The following UBP1 variants were observed in gnomAD, a reference collection of about 807,000 sequenced individuals.
The protein encoded by UBP1 is upstream binding protein 1, also known as upstream-binding protein 1.
UBP1 carries 22 observed loss-of-function variants against 76.1 expected under a neutral mutation model. That is an observed-to-expected ratio of 0.29 (90% CI 0.21 to 0.41). UBP1 has a LOEUF of 0.41. Among genes scored for constraint, UBP1 ranks in the 10% least tolerant of loss-of-function variants. UBP1 has a pLI of 1.00. For synonymous variants in UBP1, 224 were observed against 237.1 expected (o/e 0.94, Z 0.51); for missense variants, 436 against 668.1 (o/e 0.65, Z 3.83).
chr3:33,408,665 G>A, intron 8 of UBP1, 25 bp downstream of exon 8: 1 of 1,593,448 alleles, frequency 6.3e-7, no homozygotes, highest in Non-Finnish European at 8.6e-7. Flanking sequence ...CTTGCACAAT[G>A]AAAAGAGAAG....
chr3:33,426,801 G>A (rs1008039163), intron 1 of UBP1, among the ~76,000 whole-genome samples: 10 of 152,196 alleles, frequency 6.6e-5, no homozygotes, highest in South Asian at 2.1e-4. Flanking sequence ...TAGGCATACC[G>A]TATTCTGTAT....
intron 11 of UBP1, chr3:33,398,444 G>A (rs1413588233): frequency 6.6e-6 from 1 of 152,228 alleles, no homozygotes; most frequent in Non-Finnish European, 1.5e-5. Context: ...TGTGACCAGA[G>A]AGTACTGTGT....
Position 33,412,747 on chromosome 3 carries a change from G to A in UBP1, c.423C>T (p.Arg141=). 1 of 1,613,672 alleles carries A rather than the reference G, an allele frequency of 6.2e-7. No homozygotes were observed. The highest frequency in any genetic ancestry group is 1.3e-5 in the African/African-American group (1 of 75,006). The change falls in exon 4 of 16, where the codon CGC becomes CGT. Residue 141 remains arginine, a synonymous_variant. Transcript: ENST00000283629. ...HQQLEGWKWN[R]PGDRLLDLDI... ...CTAAATCAAGAAGTCTGTCTCCTGGGCGATTCCACTTCCATCCTTCAAGTT... is the reference window on the plus strand; with the variant it reads ...CTAAATCAAGAAGTCTGTCTCCTGGACGATTCCACTTCCATCCTTCAAGTT...
In UBP1 at chr3:33,389,818, C is replaced by T. The variant is rs1375972260; in HGVS notation, c.*513G>A. 1.3e-5 allele frequency: 2 copies of T among 154,276 alleles called. No individual in the cohort carries two copies. The highest frequency in any genetic ancestry group is 1.3e-4 in the Admixed American group (2 of 15,432). 9.6% of individuals were successfully genotyped at this position (154,276 alleles called of 1,614,324 possible). A position where few individuals can be genotyped will look rare whatever the true frequency, so the allele number is the denominator to read the frequency against. On this transcript the variant is annotated 3_prime_UTR_variant, in exon 16 of 16. Coordinates refer to ENST00000283629, the MANE Select transcript of UBP1 (RefSeq NM_014517.5). The stretch of plus-strand genomic sequence containing the variant: ...TTTCTTCCAAGAAGGTGCCGAGCCT[C>T]TTACCTGACCACCAACGGCCACATC...
At chr3:33,424,397 TGCTCTTTCCAA>T (rs1366036675) in intron 2 of UBP1, among the ~76,000 whole-genome samples, 1 of 152,238 alleles carries the variant, frequency 6.6e-6, no homozygotes, top group Non-Finnish European at 1.5e-5. Context: ...TAAAATCTAT[TGCTCTTTCCAA>T]AACTTCGAGT....
chr3:33,400,838 A>T lies in UBP1; in HGVS notation c.1086+124T>A, dbSNP rs898690354. 10 of 907,436 alleles carry T rather than the reference A, an allele frequency of 1.1e-5. No individual in the cohort carries two copies. In the South Asian group the frequency reaches 1.4e-4, roughly 13 times the overall value. 56.2% of individuals were successfully genotyped at this position (907,436 alleles called of 1,614,324 possible). A position where few individuals can be genotyped will look rare whatever the true frequency, so the allele number is the denominator to read the frequency against. On this transcript the variant is annotated intron_variant, in intron 10 of 15. Coordinates refer to ENST00000283629, the MANE Select transcript of UBP1 (RefSeq NM_014517.5). ...TGGACACCCAAAATATCCTGACTCG[A>T]TTACCACACATTACCATACATGTAA...
chr3:33,404,610 G>A (rs1003453857), intron 8 of UBP1, among the ~76,000 whole-genome samples: 2 of 151,896 alleles, frequency 1.3e-5, no homozygotes, highest in African/African-American at 2.4e-5. Flanking sequence ...CTACACCACT[G>A]CACTCCAGCT....
At chr3:33,396,815 A>G in intron 12 of UBP1, 1 of 667,268 alleles carries the variant, frequency 1.5e-6, no homozygotes, top group Non-Finnish European at 2.8e-6. Flanking sequence ...GCCCATGTGC[A>G]TTTCTACCAG....
intron 1 of UBP1, among the ~76,000 whole-genome samples, chr3:33,427,788 T>TCA (rs2154059424): frequency 1.3e-5 from 2 of 152,308 alleles, no homozygotes; most frequent in South Asian, 4.1e-4. Context: ...TAACCAAGGA[T>TCA]CACACGGTTA....
At chr3:33,393,165 A>G in intron 14 of UBP1, 147 bp downstream of exon 14, 2 of 895,520 alleles carry the variant, frequency 2.2e-6, no homozygotes, top group Non-Finnish European at 3.2e-6. Context: ...TCTTGGTTAT[A>G]AGTTCTTCCA....
At chr3:33,407,526 A>C (rs943134874) in intron 8 of UBP1, among the ~76,000 whole-genome samples, 5 of 151,328 alleles carry the variant, frequency 3.3e-5, no homozygotes, top group Non-Finnish European at 5.9e-5. Flanking sequence ...CTGTTTTAAC[A>C]ATCTTTGATT....
Position 33,389,420 on chromosome 3 carries a change from C to T in UBP1, c.*911G>A, listed in dbSNP as rs1467768820. On this transcript the variant is annotated 3_prime_UTR_variant, in exon 16 of 16. Transcript: ENST00000283629. ...TACTTTCTCCCCCTACTTGGGTCAC[C>T]TATTTCCAATGTCTGGGGTAGGGCT... The T allele has an allele frequency of 8.7e-6, 1 of 115,082 alleles. No homozygotes were observed. The highest frequency in any genetic ancestry group is 3.4e-5 in the African/African-American group (1 of 29,414). 7.1% of individuals were successfully genotyped at this position (115,082 alleles called of 1,614,324 possible).
chr3:33,392,662 G>A lies in UBP1; in HGVS notation c.1534-48C>T, dbSNP rs758205649. The A allele has an allele frequency of 1.2e-5, 19 of 1,524,506 alleles. No homozygotes were observed. The Admixed American group carries it at 1.7e-4, about 14-fold the overall frequency. The allele number at this position is 1,524,506 out of a possible 1,614,324, so 94.4% of individuals were successfully genotyped here. A position where few individuals can be genotyped will look rare whatever the true frequency, so the allele number is the denominator to read the frequency against. On this transcript the variant is annotated intron_variant, in intron 14 of 15. Coordinates refer to ENST00000283629, the MANE Select transcript of UBP1 (RefSeq NM_014517.5). ...TAAGTACAATTAAGATCCAACTGTC[G>A]TTTCTTAAAATGATTTTAAAACAGT...
intron 5 of UBP1, among the ~76,000 whole-genome samples, chr3:33,409,871 T>C (rs975454295): frequency 4.6e-5 from 7 of 152,138 alleles, no homozygotes; most frequent in African/African-American, 1.7e-4. Flanking sequence ...CAATCAGGGG[T>C]ACAACACTAC....
intron 1 of UBP1, among the ~76,000 whole-genome samples, chr3:33,436,100 C>G (rs189144473): frequency 2.0e-5 from 3 of 152,278 alleles, no homozygotes; most frequent in Admixed American, 6.5e-5. Flanking sequence ...ATTCTGTTAC[C>G]TTACAGGATC....
chr3:33,412,653 A>G, intron 4 of UBP1, 69 bp downstream of exon 4: 1 of 1,051,352 alleles, frequency 9.5e-7, no homozygotes. Context: ...CATGATGCCA[A>G]CACAACACAT....
intron 8 of UBP1, among the ~76,000 whole-genome samples, chr3:33,407,881 T>C (rs1311972734): frequency 6.6e-6 from 1 of 152,238 alleles, no homozygotes; most frequent in Admixed American, 6.5e-5. Context: ...TTACTGAAGG[T>C]ATGTAGCTGA....
At chr3:33,422,104 T>A (rs1002707283) in intron 2 of UBP1, among the ~76,000 whole-genome samples, 3 of 152,184 alleles carry the variant, frequency 2.0e-5, no homozygotes, top group African/African-American at 7.2e-5. Flanking sequence ...GAGCTGAAGA[T>A]ACTTTGCTAG....
At chr3:33,409,121 CAT>C (rs772697067) in intron 7 of UBP1, 113 bp downstream of exon 7, 46 of 981,554 alleles carry the variant, frequency 4.7e-5, no homozygotes, top group Middle Eastern at 3.3e-4. Context: ...CAGAGAATAA[CAT>C]GTCAAACTGC....
Sources: gnomAD v4.1 joint callset for allele counts (sites outside exome capture counted in the v4.1 genomes callset) on GRCh38, gnomAD v4.1.1 for gene constraint, MANE v1.5 for transcripts, NCBI Gene and HGNC (gene_info 2026-07-23, HGNC 2026-07-21) for gene names.